OPCML: variants seen among roughly 807,000 people sequenced by gnomAD.
OPCML encodes opioid-binding protein/cell adhesion molecule.
Under a neutral mutation model 37.8 loss-of-function variants are expected in OPCML, and 13 were observed. That is an observed-to-expected ratio of 0.34 (90% CI 0.22 to 0.55). OPCML has a LOEUF of 0.55. Among genes scored for constraint, OPCML ranks in the 20% least tolerant of loss-of-function variants. OPCML has a pLI of 0.91. For synonymous variants in OPCML, 176 were observed against 168.8 expected, an observed-to-expected ratio of 1.04 and a Z score of -0.33; for missense variants, 341 against 435.6, an observed-to-expected ratio of 0.78 and a Z score of 1.93.
At chr11:132,532,683 C>T (rs1392557297) in intron 3 of OPCML, among the ~76,000 whole-genome samples, 1 of 152,102 alleles carries the variant, frequency 6.6e-6, no homozygotes, top group African/African-American at 2.4e-5. Context: ...GCTTCAAATG[C>T]CTTCCCAGAG....
chr11:132,751,352 A>G (rs1945826091), intron 2 of OPCML, among the ~76,000 whole-genome samples: 1 of 152,188 alleles, frequency 6.6e-6, no homozygotes, highest in African/African-American at 2.4e-5. Context: ...CACCAGCCCC[A>G]GATCCATCTA....
At chr11:132,488,990 T>C (rs1328163673) in intron 4 of OPCML, among the ~76,000 whole-genome samples, 1 of 152,224 alleles carries the variant, frequency 6.6e-6, no homozygotes, top group Non-Finnish European at 1.5e-5. Flanking sequence ...CCAAACATGC[T>C]CTCAGGAGTG....
chr11:132,964,289 C>T (rs1946163599), intron 1 of OPCML, among the ~76,000 whole-genome samples: 1 of 152,208 alleles, frequency 6.6e-6, no homozygotes, highest in African/African-American at 2.4e-5. Flanking sequence ...AGTTACAAGC[C>T]TGGTGTGCAG....
In OPCML at chr11:133,482,515, G is replaced by A. The variant is rs189327464; in HGVS notation, c.61+49749C>T. On this transcript the variant is annotated intron_variant, in intron 1 of 7. Transcript: ENST00000524381. ...GGAGGGTAGGCAGTGGCCACAACCA[G>A]AAGGGAGGGTGGCCGGGGCATGGCA... Among the ~76,000 whole-genome samples, 70 of 152,244 alleles carry A rather than the reference G, an allele frequency of 4.6e-4. No individual in the cohort carries two copies. The East Asian group carries it at 0.013, about 28-fold the overall frequency.
intron 4 of OPCML, among the ~76,000 whole-genome samples, chr11:132,469,692 G>GTA (rs1217229399): frequency 7.0e-6 from 1 of 143,040 alleles, no homozygotes; most frequent in Admixed American, 7.0e-5. Flanking sequence ...GTGTGGGGGT[G>GTA]TATGTGTGTG....
At chr11:133,373,257 G>C (rs1002624698) in intron 1 of OPCML, among the ~76,000 whole-genome samples, 1 of 151,526 alleles carries the variant, frequency 6.6e-6, no homozygotes, top group African/African-American at 2.4e-5. Context: ...AAAAGTTCCT[G>C]TTCCTTATGA....
intron 1 of OPCML, among the ~76,000 whole-genome samples, chr11:133,132,750 A>G (rs1432194760): frequency 6.6e-6 from 1 of 152,162 alleles, no homozygotes; most frequent in Admixed American, 6.5e-5. Flanking sequence ...GGAGCCAGAA[A>G]AAACAAGAGT....
At chr11:133,015,942 C>T (rs1301960644) in intron 1 of OPCML, among the ~76,000 whole-genome samples, 1 of 152,186 alleles carries the variant, frequency 6.6e-6, no homozygotes, top group East Asian at 1.9e-4. Flanking sequence ...CCCTTCACCC[C>T]TAGCATACCA....
At chr11:133,195,671 C>T (rs1938509201) in intron 1 of OPCML, among the ~76,000 whole-genome samples, 1 of 152,160 alleles carries the variant, frequency 6.6e-6, no homozygotes, top group African/African-American at 2.4e-5. Context: ...TCTTTGTCTT[C>T]AAAAGTCACA....
At chr11:133,161,308 G>A (rs1324382360) in intron 1 of OPCML, among the ~76,000 whole-genome samples, 1 of 152,218 alleles carries the variant, frequency 6.6e-6, no homozygotes, top group Non-Finnish European at 1.5e-5. Context: ...TGGCATGAGT[G>A]TTATTGGAAT....
chr11:132,897,858 A>G (rs970347827), intron 2 of OPCML, among the ~76,000 whole-genome samples: 3 of 152,154 alleles, frequency 2.0e-5, no homozygotes, highest in African/African-American at 7.2e-5. Flanking sequence ...GAGAGAATAG[A>G]TATGTGGATA....
intron 1 of OPCML, among the ~76,000 whole-genome samples, chr11:133,283,309 T>C (rs1942211023): frequency 6.6e-6 from 1 of 152,158 alleles, no homozygotes; most frequent in African/African-American, 2.4e-5. Flanking sequence ...TAATGAATGA[T>C]AATGAGTTGT....
intron 1 of OPCML, among the ~76,000 whole-genome samples, chr11:133,077,601 G>A (rs1591979651): frequency 6.6e-6 from 1 of 152,198 alleles, no homozygotes; most frequent in South Asian, 2.1e-4. Context: ...GATGACTGAG[G>A]ATGACAGAAT....
chr11:133,395,739 C>G (rs1442830564), intron 1 of OPCML, among the ~76,000 whole-genome samples: 1 of 152,068 alleles, frequency 6.6e-6, no homozygotes, highest in African/African-American at 2.4e-5. Flanking sequence ...TTCCATTGGT[C>G]TATGTATCTG....
intron 1 of OPCML, among the ~76,000 whole-genome samples, chr11:133,507,129 C>T (rs773022673): frequency 1.8e-4 from 28 of 152,222 alleles, no homozygotes; most frequent in Non-Finnish European, 3.8e-4. Flanking sequence ...ATCCACTGCC[C>T]GCTAGCCCAG....
intron 3 of OPCML, among the ~76,000 whole-genome samples, chr11:132,608,853 T>A (rs914359490): frequency 2.6e-5 from 4 of 152,166 alleles, no homozygotes; most frequent in African/African-American, 9.7e-5. Context: ...GATCACCGCA[T>A]CATCCTTGCT....
chr11:133,500,178 T>G (rs1947881657), intron 1 of OPCML, among the ~76,000 whole-genome samples: 1 of 152,154 alleles, frequency 6.6e-6, no homozygotes, highest in South Asian at 2.1e-4. Context: ...CTAACTTTTT[T>G]AAATCAAAGG....
At chr11:132,515,233 A>T (rs2096277120) in intron 4 of OPCML, among the ~76,000 whole-genome samples, 1 of 152,200 alleles carries the variant, frequency 6.6e-6, no homozygotes, top group Non-Finnish European at 1.5e-5. Flanking sequence ...GATTACTCTC[A>T]CCATTAAGGG....
At chr11:133,172,697 T>C (rs1367861) in intron 1 of OPCML, among the ~76,000 whole-genome samples, 67,234 of 151,912 alleles carry the variant, frequency 0.44, 15,332 homozygotes, top group South Asian at 0.55. Context: ...ACTCAGTCCT[T>C]TTTTTAATAT....
Sources: allele counts gnomAD v4.1 joint callset (sites outside exome capture counted in the v4.1 genomes callset), GRCh38; gene constraint gnomAD v4.1.1; transcripts MANE v1.5; gene names NCBI Gene and HGNC (gene_info 2026-07-23, HGNC 2026-07-21).